The following BBS9 variants were observed in gnomAD, a reference collection of about 807,000 sequenced individuals.
The protein encoded by BBS9 is Bardet-Biedl syndrome 9, also known as protein PTHB1.
BBS9 carries 89 observed loss-of-function variants against 117.7 expected under a neutral mutation model. The ratio of observed to expected loss-of-function variants is 0.76; its 90% confidence interval spans 0.64 to 0.90. The LOEUF (loss-of-function observed/expected upper bound fraction) is 0.90, where lower values mean the gene tolerates loss of function less well. Among genes scored for constraint, BBS9 ranks in the 40% least tolerant of loss-of-function variants. The pLI is 0.00. For missense variants in BBS9, 982 were observed against 1,042.2 expected, an observed-to-expected ratio of 0.94 and a Z score of 0.80; for synonymous variants, 379 against 370.9, an observed-to-expected ratio of 1.02 and a Z score of -0.25.
At chr7:33,344,735 A>G in intron 12 of BBS9, 101 bp downstream of exon 12, 1 of 1,225,744 alleles carries the variant, frequency 8.2e-7, no homozygotes, top group Non-Finnish European at 1.2e-6. Context: ...GAAATGTAAA[A>G]TAAACACTTG....
intron 20 of BBS9, among the ~76,000 whole-genome samples, chr7:33,520,880 A>G (rs1215560639): frequency 6.6e-6 from 1 of 152,040 alleles, no homozygotes; most frequent in East Asian, 1.9e-4. Flanking sequence ...AATGATTTTT[A>G]TATGTTCTTT....
chr7:33,482,359 C>G (rs1370540806), intron 19 of BBS9, among the ~76,000 whole-genome samples: 1 of 152,042 alleles, frequency 6.6e-6, no homozygotes, highest in Non-Finnish European at 1.5e-5. Flanking sequence ...GTGATTGGTT[C>G]TCTGGTTGCA....
At chr7:33,559,543 G>A (rs1201679869) in intron 21 of BBS9, among the ~76,000 whole-genome samples, 2 of 152,124 alleles carry the variant, frequency 1.3e-5, no homozygotes, top group Non-Finnish European at 2.9e-5. Flanking sequence ...AAACAGGATT[G>A]TGTCTTGGGA....
chr7:33,288,356 G>T (rs1048074416), intron 9 of BBS9, among the ~76,000 whole-genome samples: 4 of 152,060 alleles, frequency 2.6e-5, no homozygotes, highest in African/African-American at 9.7e-5. Context: ...AAAAACTCTG[G>T]GTGGTACCTC....
chr7:33,328,420 G>A (rs1813286661), intron 9 of BBS9, among the ~76,000 whole-genome samples: 1 of 152,200 alleles, frequency 6.6e-6, no homozygotes, highest in Non-Finnish European at 1.5e-5. Context: ...CAATAAAAAT[G>A]TCTGAAATGA....
At chr7:33,584,717 T>G (rs2129167379) in intron 21 of BBS9, among the ~76,000 whole-genome samples, 1 of 152,260 alleles carries the variant, frequency 6.6e-6, no homozygotes, top group South Asian at 2.1e-4. Flanking sequence ...CTTAATGGAT[T>G]TTGCATACAT....
chr7:33,542,790 TACACACACACACACACACACAC>T (rs368494839), intron 21 of BBS9, among the ~76,000 whole-genome samples: 15 of 134,324 alleles, frequency 1.1e-4, no homozygotes, highest in Non-Finnish European at 2.4e-4. Flanking sequence ...TATATATATG[TACACACACACACACACACACAC>T]ACACACACAC....
At chr7:33,551,184 C>G (rs1010944573) in intron 21 of BBS9, among the ~76,000 whole-genome samples, 1 of 152,054 alleles carries the variant, frequency 6.6e-6, no homozygotes, top group Non-Finnish European at 1.5e-5. Flanking sequence ...AAATAAGAAG[C>G]AAATACATTG....
chr7:33,378,120 C>G (rs1043647524), intron 17 of BBS9, among the ~76,000 whole-genome samples: 6 of 152,154 alleles, frequency 3.9e-5, no homozygotes, highest in Admixed American at 1.3e-4. Flanking sequence ...CTCAATGTGG[C>G]CTTTCCCGAC....
In BBS9 at chr7:33,142,607, G is replaced by A. The variant is rs567138407; in HGVS notation, c.-11-3635G>A. Among the ~76,000 whole-genome samples, 10 of 152,180 alleles carry A rather than the reference G, an allele frequency of 6.6e-5. No individual in the cohort carries two copies. In the East Asian group the frequency reaches 1.9e-3, roughly 29 times the overall value. The stretch of plus-strand genomic sequence containing the variant: ...TATTAACAGTTCTCCTTTCTCCCTA[G>A]CCCCTGACAATCACCATTCTTAATG... On this transcript the variant is annotated intron_variant, in intron 1 of 22. Transcript: ENST00000242067.
At chr7:33,133,056 C>G (rs1240937613) in intron 1 of BBS9, among the ~76,000 whole-genome samples, 1 of 152,030 alleles carries the variant, frequency 6.6e-6, no homozygotes, top group East Asian at 1.9e-4. Flanking sequence ...TCCCAAAGTG[C>G]TGGGATTACA....
chr7:33,528,606 T>C (rs1850049790), intron 20 of BBS9, among the ~76,000 whole-genome samples: 1 of 152,238 alleles, frequency 6.6e-6, no homozygotes, highest in Admixed American at 6.5e-5. Flanking sequence ...ATTTTCTCAT[T>C]TCATAGTCTC....
intron 19 of BBS9, among the ~76,000 whole-genome samples, chr7:33,483,645 T>A (rs1305024776): frequency 6.6e-6 from 1 of 151,944 alleles, no homozygotes; most frequent in Non-Finnish European, 1.5e-5. Flanking sequence ...CAGATTTTTT[T>A]TTTTTGAGCC....
intron 21 of BBS9, among the ~76,000 whole-genome samples, chr7:33,625,939 G>A (rs1350773839): frequency 6.6e-6 from 1 of 152,138 alleles, no homozygotes; most frequent in East Asian, 1.9e-4. Flanking sequence ...TTACTAGGAT[G>A]GTGGGTAGTC....
At chr7:33,271,754 A>G (rs1282264972) in intron 7 of BBS9, among the ~76,000 whole-genome samples, 2 of 152,182 alleles carry the variant, frequency 1.3e-5, no homozygotes, top group Non-Finnish European at 2.9e-5. Flanking sequence ...CCACACAATA[A>G]TAGTGGGAGA....
intron 13 of BBS9, among the ~76,000 whole-genome samples, chr7:33,349,623 G>T (rs1818262678): frequency 6.6e-6 from 1 of 151,992 alleles, no homozygotes. Flanking sequence ...TAGAGACGGG[G>T]TTTCGCCATG....
At chr7:33,589,103 C>T (rs1316007333) in intron 21 of BBS9, among the ~76,000 whole-genome samples, 1 of 152,096 alleles carries the variant, frequency 6.6e-6, no homozygotes, top group Non-Finnish European at 1.5e-5. Flanking sequence ...TTAAGGGTTA[C>T]TCAGAGAAGC....
At chr7:33,216,062 C>A (rs1455024558) in intron 5 of BBS9, among the ~76,000 whole-genome samples, 1 of 152,136 alleles carries the variant, frequency 6.6e-6, no homozygotes, top group Admixed American at 6.5e-5. Flanking sequence ...TTATGCTTGG[C>A]CATTTGAGGA....
At chr7:33,260,302 T>G (rs970452447) in intron 6 of BBS9, among the ~76,000 whole-genome samples, 8 of 152,172 alleles carry the variant, frequency 5.3e-5, no homozygotes, top group African/African-American at 1.9e-4. Flanking sequence ...ACGCCCGGCC[T>G]AGATATTTTA....
Sources: allele counts gnomAD v4.1 joint callset (sites outside exome capture counted in the v4.1 genomes callset), GRCh38; gene constraint gnomAD v4.1.1; transcripts MANE v1.5; gene names NCBI Gene and HGNC (gene_info 2026-07-23, HGNC 2026-07-21).